Variants in TBC1D5 observed in about 807,000 individuals in gnomAD.
TBC1D5 encodes the protein TBC1 domain family, member 5.
A neutral mutation model predicts 100.3 loss-of-function variants in TBC1D5; 75 were observed. The observed-to-expected ratio is 0.75, with a 90% CI of 0.62 to 0.91. The LOEUF (loss-of-function observed/expected upper bound fraction) is 0.91, where lower values mean the gene tolerates loss of function less well. Ranked by LOEUF, TBC1D5 falls within the 40% of genes least tolerant of loss-of-function variation. The pLI is 0.00. For missense variants in TBC1D5, 910 were observed against 942.4 expected, an observed-to-expected ratio of 0.97 and a Z score of 0.45; for synonymous variants, 323 against 325.6, an observed-to-expected ratio of 0.99 and a Z score of 0.09.
At chr3:17,445,571 C>T (rs1409052446) in intron 3 of TBC1D5, among the ~76,000 whole-genome samples, 1 of 152,046 alleles carries the variant, frequency 6.6e-6, no homozygotes, top group Non-Finnish European at 1.5e-5. Flanking sequence ...GTTTCAGTTA[C>T]CTGCAGTGAA....
At chr3:17,616,855 G>A (rs1008755663) in intron 2 of TBC1D5, among the ~76,000 whole-genome samples, 10 of 152,076 alleles carry the variant, frequency 6.6e-5, no homozygotes, top group African/African-American at 1.2e-4. Flanking sequence ...TTGCCAGTCC[G>A]TGTCTTTTAA....
At chr3:17,553,378 A>C (rs1359903435) in intron 2 of TBC1D5, among the ~76,000 whole-genome samples, 2 of 152,204 alleles carry the variant, frequency 1.3e-5, no homozygotes, top group African/African-American at 4.8e-5. Context: ...GGGAAAGACC[A>C]GCTTTCCCTC....
At chr3:17,506,539 T>C (rs1379043796) in intron 3 of TBC1D5, among the ~76,000 whole-genome samples, 3 of 152,212 alleles carry the variant, frequency 2.0e-5, no homozygotes, top group Non-Finnish European at 4.4e-5. Context: ...GGAAGAGTCA[T>C]TAGTCACTTC....
chr3:17,168,030 TC>T (rs2066814787), intron 19 of TBC1D5, among the ~76,000 whole-genome samples: 1 of 152,106 alleles, frequency 6.6e-6, no homozygotes, highest in African/African-American at 2.4e-5. Flanking sequence ...ACACACAGCC[TC>T]CCCTCCAACA....
At chr3:17,539,698 T>C (rs1172819995) in intron 2 of TBC1D5, among the ~76,000 whole-genome samples, 1 of 152,212 alleles carries the variant, frequency 6.6e-6, no homozygotes, top group Admixed American at 6.5e-5. Flanking sequence ...GGAATGCCCT[T>C]GGCTGAGACG....
At chr3:17,622,335 C>T (rs2062734007) in intron 2 of TBC1D5, among the ~76,000 whole-genome samples, 2 of 152,094 alleles carry the variant, frequency 1.3e-5, no homozygotes, top group East Asian at 1.9e-4. Flanking sequence ...GGATTGGGGA[C>T]CCCTGTTCTA....
intron 1 of TBC1D5, among the ~76,000 whole-genome samples, chr3:17,731,690 A>G (rs777373777): frequency 3.3e-5 from 5 of 152,094 alleles, no homozygotes; most frequent in Non-Finnish European, 7.4e-5. Flanking sequence ...TGAACTAGAG[A>G]AGACATAGTA....
At chr3:17,265,907 G>T (rs2078800925) in intron 15 of TBC1D5, among the ~76,000 whole-genome samples, 1 of 150,544 alleles carries the variant, frequency 6.6e-6, no homozygotes, top group Non-Finnish European at 1.5e-5. Flanking sequence ...TTAACTGAAG[G>T]TATTTTAAAC....
chr3:17,432,223 A>G (rs964047925), intron 3 of TBC1D5, among the ~76,000 whole-genome samples: 1 of 152,172 alleles, frequency 6.6e-6, no homozygotes, highest in African/African-American at 2.4e-5. Context: ...GGGAAAAATG[A>G]CTTGGTTCAA....
intron 2 of TBC1D5, among the ~76,000 whole-genome samples, chr3:17,619,890 G>A (rs1332088682): frequency 6.6e-6 from 1 of 152,174 alleles, no homozygotes; most frequent in African/African-American, 2.4e-5. Context: ...ATGGAAAGTT[G>A]CTCTTATACA....
At chr3:17,265,840 T>A (rs1016067290) in intron 15 of TBC1D5, among the ~76,000 whole-genome samples, 5 of 151,766 alleles carry the variant, frequency 3.3e-5, no homozygotes, top group African/African-American at 1.2e-4. Context: ...GCAAACAGAA[T>A]TTTTCTCTTC....
chr3:17,615,049 A>T (rs1275282942), intron 2 of TBC1D5, among the ~76,000 whole-genome samples: 1 of 152,152 alleles, frequency 6.6e-6, no homozygotes, highest in African/African-American at 2.4e-5. Flanking sequence ...TTATTTTGAG[A>T]TATGTTCCAT....
chr3:17,337,396 T>C (rs1344286282), intron 13 of TBC1D5: 1 of 152,156 alleles, frequency 6.6e-6, no homozygotes, highest in Non-Finnish European at 1.5e-5. Context: ...ACGTTGTACT[T>C]GGTGAACGGT....
intron 1 of TBC1D5, among the ~76,000 whole-genome samples, chr3:17,680,235 CT>C (rs879752875): frequency 2.6e-3 from 356 of 139,344 alleles, no homozygotes; most frequent in Admixed American, 3.1e-3. Flanking sequence ...TGTATATTCG[CT>C]TTTTTTTTTT....
intron 4 of TBC1D5, among the ~76,000 whole-genome samples, chr3:17,422,097 C>A (rs2094220206): frequency 1.3e-5 from 2 of 152,136 alleles, no homozygotes; most frequent in South Asian, 2.1e-4. Context: ...TGGTCTCTAT[C>A]ATCTTTCATA....
intron 1 of TBC1D5, among the ~76,000 whole-genome samples, chr3:17,640,805 C>T (rs1427522755): frequency 6.6e-6 from 1 of 151,910 alleles, no homozygotes; most frequent in Non-Finnish European, 1.5e-5. Context: ...AAAGAACAAA[C>T]TATGGAGTTT....
chr3:17,258,481 C>G (rs2077948354), intron 16 of TBC1D5, 25 bp downstream of exon 16: 4 of 1,594,324 alleles, frequency 2.5e-6, no homozygotes, highest in African/African-American at 2.7e-5. Flanking sequence ...TGATTTATAA[C>G]TATCATCAGA....
At chr3:17,557,648 T>C (rs2096530869) in intron 2 of TBC1D5, among the ~76,000 whole-genome samples, 1 of 152,104 alleles carries the variant, frequency 6.6e-6, no homozygotes, top group Non-Finnish European at 1.5e-5. Context: ...CCTCCCATGC[T>C]CAAGTGATCC....
intron 13 of TBC1D5, among the ~76,000 whole-genome samples, chr3:17,341,471 C>T (rs1420113767): frequency 6.6e-6 from 1 of 152,192 alleles, no homozygotes; most frequent in Non-Finnish European, 1.5e-5. Flanking sequence ...CCTGGGATTA[C>T]AGGCGTGAGG....
Sources: gnomAD v4.1 joint callset for allele counts (sites outside exome capture counted in the v4.1 genomes callset) on GRCh38, gnomAD v4.1.1 for gene constraint, MANE v1.5 for transcripts, NCBI Gene and HGNC (gene_info 2026-07-23, HGNC 2026-07-21) for gene names.